The following HTR4 variants were observed in gnomAD, a reference collection of about 807,000 sequenced individuals.
HTR4 encodes 5-hydroxytryptamine receptor 4.
HTR4 carries 16 observed loss-of-function variants against 36.8 expected under a neutral mutation model. The observed-to-expected ratio is 0.43, with a 90% confidence interval of 0.29 to 0.66. HTR4 has a LOEUF of 0.66. Ranked by LOEUF, HTR4 falls within the 30% of genes least tolerant of loss-of-function variation. The pLI, the probability that HTR4 is intolerant of heterozygous loss-of-function variation, is 0.13. For synonymous variants in HTR4, 189 were observed against 185.1 expected, an observed-to-expected ratio of 1.02 and a Z score of -0.17; for missense variants, 438 against 490.9, an observed-to-expected ratio of 0.89 and a Z score of 1.02.
intron 4 of HTR4, among the ~76,000 whole-genome samples, chr5:148,534,448 C>T (rs1217704423): frequency 1.3e-5 from 2 of 152,186 alleles, no homozygotes; most frequent in Non-Finnish European, 2.9e-5. Flanking sequence ...CAGGCAGGTC[C>T]TCCAGGCCTG....
chr5:148,599,744 CAA>C (rs946090832), intron 2 of HTR4, among the ~76,000 whole-genome samples: 3 of 151,708 alleles, frequency 2.0e-5, no homozygotes, highest in African/African-American at 7.3e-5. Context: ...ACTATACAAA[CAA>C]TATATTATGT....
At chr5:148,460,994 A>AATATTT (rs1415526880) in intron 5 of HTR4, among the ~76,000 whole-genome samples, 9 of 152,026 alleles carry the variant, frequency 5.9e-5, no homozygotes, top group Non-Finnish European at 1.0e-4. Context: ...AATTATGATT[A>AATATTT]TTTTGTCATT....
chr5:148,604,123 G>T (rs1752039295), intron 2 of HTR4, among the ~76,000 whole-genome samples: 1 of 151,984 alleles, frequency 6.6e-6, no homozygotes, highest in Non-Finnish European at 1.5e-5. Flanking sequence ...GGTAACCAAA[G>T]ATTTCTTAAA....
downstream of HTR4, among the ~76,000 whole-genome samples, chr5:148,473,301 CAAA>C (rs35164649): frequency 7.3e-5 from 5 of 68,600 alleles, no homozygotes; most frequent in African/African-American, 4.0e-5. Context: ...GACTCCATCT[CAAA>C]AAAAAAAAAA....
intron 5 of HTR4, among the ~76,000 whole-genome samples, chr5:148,452,279 T>C (rs1222117725): frequency 6.6e-6 from 1 of 152,226 alleles, no homozygotes; most frequent in Non-Finnish European, 1.5e-5. Flanking sequence ...AGTTTAGTGA[T>C]GCCCATGGGA....
intron 4 of HTR4, among the ~76,000 whole-genome samples, chr5:148,537,536 T>A (rs1191044121): frequency 6.6e-6 from 1 of 151,800 alleles, no homozygotes; most frequent in Non-Finnish European, 1.5e-5. Context: ...ATAAACACAA[T>A]TAGAAATGAC....
At chr5:148,577,625 T>C (rs1025723381) in intron 2 of HTR4, among the ~76,000 whole-genome samples, 2 of 152,102 alleles carry the variant, frequency 1.3e-5, no homozygotes, top group African/African-American at 4.8e-5. Context: ...CACCATAGAA[T>C]ACTATGCAGC....
chr5:148,537,860 G>A (rs1758906978), intron 4 of HTR4, among the ~76,000 whole-genome samples: 2 of 152,112 alleles, frequency 1.3e-5, no homozygotes, highest in African/African-American at 2.4e-5. Flanking sequence ...TTGAGGAGGA[G>A]AGACTCCTCC....
At chr5:148,584,862 A>G (rs1761291259) in intron 2 of HTR4, among the ~76,000 whole-genome samples, 1 of 152,216 alleles carries the variant, frequency 6.6e-6, no homozygotes, top group African/African-American at 2.4e-5. Context: ...ATCTAGAGCA[A>G]CAGTAGCCAC....
At chr5:148,517,570 C>T (rs893839755) in intron 5 of HTR4, among the ~76,000 whole-genome samples, 1 of 151,834 alleles carries the variant, frequency 6.6e-6, no homozygotes, top group Non-Finnish European at 1.5e-5. Context: ...CTTCTAGTTG[C>T]TCTGTCCAAA....
intron 2 of HTR4, among the ~76,000 whole-genome samples, chr5:148,625,621 G>T (rs189930507): frequency 1.3e-5 from 2 of 151,934 alleles, no homozygotes; most frequent in African/African-American, 4.8e-5. Flanking sequence ...TTGCCTTGTC[G>T]CCAGGCTGGA....
intron 2 of HTR4, among the ~76,000 whole-genome samples, chr5:148,590,991 GA>G (rs1359224952): frequency 2.0e-5 from 3 of 152,098 alleles, no homozygotes; most frequent in East Asian, 3.9e-4. Context: ...AATCCATATT[GA>G]GTTGATTTTT....
chr5:148,496,435 T>A (rs1756689324), intron 6 of HTR4, among the ~76,000 whole-genome samples: 1 of 151,996 alleles, frequency 6.6e-6, no homozygotes, highest in South Asian at 2.1e-4. Context: ...CTCCCCAAAT[T>A]TCCAACAATA....
chr5:148,520,081 A>G (rs1757940992), intron 5 of HTR4, among the ~76,000 whole-genome samples: 1 of 152,202 alleles, frequency 6.6e-6, no homozygotes, highest in Non-Finnish European at 1.5e-5. Context: ...CCAGAGACTC[A>G]CAGGAACCTA....
At chr5:148,576,125 A>C (rs1211657996) in intron 2 of HTR4, among the ~76,000 whole-genome samples, 9 of 142,854 alleles carry the variant, frequency 6.3e-5, no homozygotes, top group Non-Finnish European at 1.2e-4. Flanking sequence ...AAAAAAAAAA[A>C]AAAAAAAACA....
At chr5:148,503,310 A>G (rs1304635991) in intron 6 of HTR4, among the ~76,000 whole-genome samples, 1 of 152,224 alleles carries the variant, frequency 6.6e-6, no homozygotes, top group East Asian at 1.9e-4. Context: ...GAAACTCTAC[A>G]AGCCAGAAGA....
At chr5:148,589,926 G>T (rs1480535291) in intron 2 of HTR4, among the ~76,000 whole-genome samples, 1 of 152,072 alleles carries the variant, frequency 6.6e-6, no homozygotes, top group African/African-American at 2.4e-5. Context: ...TCACCATGCT[G>T]TCTAGTAGAA....
At position 148,578,480 on chromosome 5, in the gene HTR4, G is replaced by A. The variant is rs947792386; in HGVS notation, c.27-28218C>T. Among the ~76,000 whole-genome samples the A allele has an allele frequency of 6.2e-4, 94 of 151,938 alleles. 3 individuals carry two copies. The highest frequency in any genetic ancestry group is 2.2e-4 in the Non-Finnish European group (15 of 67,970). ...GTATCTCTTTCCTTTTTATATAAAC[G>A]ATAATCTAACATGCATACTTTCAAT... On this transcript the variant is annotated intron_variant, in intron 2 of 6. Transcript: ENST00000377888.
chr5:148,542,614 C>T (rs1759174831), intron 4 of HTR4, among the ~76,000 whole-genome samples: 1 of 152,060 alleles, frequency 6.6e-6, no homozygotes, highest in Non-Finnish European at 1.5e-5. Flanking sequence ...ATAGAGAATA[C>T]TATCTTCAAG....
Sources: allele counts gnomAD v4.1 joint callset (sites outside exome capture counted in the v4.1 genomes callset), GRCh38; gene constraint gnomAD v4.1.1; transcripts MANE v1.5; gene names NCBI Gene and HGNC (gene_info 2026-07-23, HGNC 2026-07-21).